The following SDHB variants were observed in gnomAD, a reference collection of about 807,000 sequenced individuals.
SDHB encodes succinate dehydrogenase complex iron sulfur subunit B, also known as succinate dehydrogenase [ubiquinone] iron-sulfur subunit, mitochondrial.
In SDHB, 21 loss-of-function variants were observed where a neutral mutation model predicts 39.7. That is an observed-to-expected ratio of 0.53 (90% CI 0.37 to 0.76). The LOEUF (loss-of-function observed/expected upper bound fraction) is 0.76, where lower values mean the gene tolerates loss of function less well. Ranked by LOEUF, SDHB falls within the 30% of genes least tolerant of loss-of-function variation. The pLI is 0.00. For synonymous variants in SDHB, 118 were observed against 117.0 expected (o/e 1.01, Z -0.06); for missense variants, 343 against 350.9 (o/e 0.98, Z 0.18).
At chr1:17,040,377 G>A (rs779436098) in intron 2 of SDHB, among the ~76,000 whole-genome samples, 2 of 152,150 alleles carry the variant, frequency 1.3e-5, no homozygotes, top group Non-Finnish European at 2.9e-5. Context: ...TCTTGGCCAT[G>A]AGTTCTTCAA....
intron 5 of SDHB, among the ~76,000 whole-genome samples, chr1:17,025,017 A>G (rs1304842669): frequency 6.6e-6 from 1 of 152,232 alleles, no homozygotes; most frequent in Non-Finnish European, 1.5e-5. Flanking sequence ...AAGAGCCTTA[A>G]GAATAGTCAT....
intron 5 of SDHB, among the ~76,000 whole-genome samples, chr1:17,026,524 T>C (rs1313365620): frequency 6.6e-6 from 1 of 151,190 alleles, no homozygotes; most frequent in Non-Finnish European, 1.5e-5. Flanking sequence ...GCCACCACAC[T>C]CAGCTAATTT....
Position 17,048,705 on chromosome 1 carries a change from ATATT to A in SDHB, c.73-3821_73-3818del, listed in dbSNP as rs955527778. ...TTTTATTTTTCATTTATTTTTTAAA[ATATT>A]TATTTATTTATTTATTTTGAGATGG... On this transcript the variant is annotated intron_variant, in intron 1 of 7. Transcript: ENST00000375499. 4.6e-5 allele frequency among the ~76,000 whole-genome samples: 7 copies of A among 151,912 alleles called. No individual in the cohort carries two copies. The South Asian group carries it at 6.2e-4, about 14-fold the overall frequency.
intron 4 of SDHB, 40 bp from the exon 5 acceptor site, chr1:17,027,905 G>C (rs757911908): frequency 1.7e-6 from 2 of 1,210,068 alleles, no homozygotes; most frequent in South Asian, 2.4e-5. Context: ...AAGAAGAAAA[G>C]GATCAGATTC....
At chr1:17,041,002 C>G (rs865881495) in intron 2 of SDHB, among the ~76,000 whole-genome samples, 2 of 151,958 alleles carry the variant, frequency 1.3e-5, no homozygotes, top group Non-Finnish European at 2.9e-5. Context: ...TGGTGGTGCA[C>G]GTCTGTAATC....
intron 1 of SDHB, 107 bp from the exon 2 acceptor site, chr1:17,044,995 C>T: frequency 2.0e-6 from 2 of 1,001,076 alleles, no homozygotes; most frequent in Non-Finnish European, 3.0e-6. Flanking sequence ...TCACACATTA[C>T]TGACACATAA....
chr1:17,024,214 G>A, intron 5 of SDHB, 140 bp from the exon 6 acceptor site: 1 of 701,664 alleles, frequency 1.4e-6, no homozygotes, highest in Non-Finnish European at 2.6e-6. Flanking sequence ...AAAATCCAAG[G>A]GGTGATTTGC....
rs1334964001 is a variant in SDHB, at chr1:17,022,594, C to G, written c.765+14G>C. On this transcript the variant is annotated intron_variant, in intron 7 of 7. Transcript: ENST00000375499. ...AGCTCTGAGGCAGAGCTGAGGGTCA[C>G]CAGCCCCACGTACCTTAGGACAGGT... 1.9e-6 allele frequency: 3 copies of G among 1,613,488 alleles called. No individual in the cohort carries two copies. In the Admixed American group the frequency reaches 5.0e-5, roughly 27 times the overall value.
rs1260768784 is a variant in SDHB, at chr1:17,018,896, C to T, written c.828G>A (p.Lys276=). The stretch of plus-strand genomic sequence containing the variant: ...ATGGAAACAGTTAAACTGAAGCTTT[C>T]TTCTCCTTATAGGTTGCCATCATTT... ...IKKMMATYKE[K]KASV Residue 276 remains lysine (K), a synonymous_variant, in exon 8 of 8, where the codon AAG becomes AAA. Coordinates refer to ENST00000375499, the MANE Select transcript of SDHB (RefSeq NM_003000.3). 4.3e-6 allele frequency: 7 copies of T among 1,612,008 alleles called. No individual in the cohort carries two copies. In the Admixed American group the frequency reaches 1.0e-4, roughly 23 times the overall value.
chr1:17,027,405 AT>A (rs2077996796), intron 5 of SDHB, among the ~76,000 whole-genome samples: 1 of 152,192 alleles, frequency 6.6e-6, no homozygotes, highest in African/African-American at 2.4e-5. Flanking sequence ...TATGTGTTTC[AT>A]TTTGCCCCCA....
chr1:17,052,940 G>A (rs1197635779), intron 1 of SDHB, among the ~76,000 whole-genome samples: 1 of 152,158 alleles, frequency 6.6e-6, no homozygotes, highest in Non-Finnish European at 1.5e-5. Context: ...TGCTTCTTGG[G>A]AATGTGATAT....
At chr1:17,025,568 C>G (rs1281185067) in intron 5 of SDHB, among the ~76,000 whole-genome samples, 1 of 152,034 alleles carries the variant, frequency 6.6e-6, no homozygotes, top group African/African-American at 2.4e-5. Context: ...TACCACCATG[C>G]CTGGCTAAGT....
At chr1:17,041,340 A>G (rs1306005756) in intron 2 of SDHB, among the ~76,000 whole-genome samples, 1 of 152,102 alleles carries the variant, frequency 6.6e-6, no homozygotes, top group African/African-American at 2.4e-5. Flanking sequence ...TTTCATTATG[A>G]GCATAATTTC....
At chr1:17,048,200 T>C (rs2078124431) in intron 1 of SDHB, among the ~76,000 whole-genome samples, 1 of 152,234 alleles carries the variant, frequency 6.6e-6, no homozygotes, top group Non-Finnish European at 1.5e-5. Flanking sequence ...CTTCTCAAAT[T>C]CGGTCATTTC....
At chr1:17,045,075 A>G in intron 1 of SDHB, 187 bp from the exon 2 acceptor site, 1 of 603,810 alleles carries the variant, frequency 1.7e-6, no homozygotes, top group South Asian at 1.9e-5. Context: ...AATATATCAG[A>G]CATGGTATTA....
In SDHB at chr1:17,038,254, T is replaced by G. The variant is rs72893379; in HGVS notation, c.201-5109A>C. Among the ~76,000 whole-genome samples the G allele has an allele frequency of 4.1e-4, 63 of 152,294 alleles. 1 individual carries two copies. Among genetic ancestry groups the G allele is most frequent in the African/African-American group, 1.3e-3 (54 of 41,566 alleles). The stretch of plus-strand genomic sequence containing the variant: ...GATTATGTTATCTATGAGAGACAGT[T>G]TTACTTCTTCTTTTCCAATTTCCTT... On this transcript the variant is annotated intron_variant, in intron 2 of 7. Coordinates refer to ENST00000375499, the MANE Select transcript of SDHB (RefSeq NM_003000.3).
In SDHB at chr1:17,032,704, A is replaced by G. The variant is rs571625397; in HGVS notation, c.286+356T>C. ...CACACATCTCCCCTGCTGGACAAGC[A>G]TAAGTGCCAGACAGAAACTCTCCAC... On this transcript the variant is annotated intron_variant, in intron 3 of 7. Transcript: ENST00000375499. 14 of 349,772 alleles carry G rather than the reference A, an allele frequency of 4.0e-5. 1 individual carries two copies. Among genetic ancestry groups the G allele is most frequent in the African/African-American group, 1.9e-4 (9 of 47,434 alleles). The allele number at this position is 349,772 out of a possible 1,614,324, so 21.7% of individuals were successfully genotyped here.
intron 6 of SDHB, 81 bp from the exon 7 acceptor site, chr1:17,022,811 T>C (rs2077969664): frequency 6.5e-7 from 1 of 1,539,858 alleles, no homozygotes; most frequent in Non-Finnish European, 8.8e-7. Context: ...GCTCTGGGAG[T>C]GCAGAGGAAA....
At chr1:17,038,079 C>T (rs937645672) in intron 2 of SDHB, among the ~76,000 whole-genome samples, 2 of 151,958 alleles carry the variant, frequency 1.3e-5, no homozygotes, top group Non-Finnish European at 2.9e-5. Flanking sequence ...GCGGAGGTTG[C>T]GGTGAGCCAA....
Sources: allele counts gnomAD v4.1 joint callset (sites outside exome capture counted in the v4.1 genomes callset), GRCh38; gene constraint gnomAD v4.1.1; transcripts MANE v1.5; gene names NCBI Gene and HGNC (gene_info 2026-07-23, HGNC 2026-07-21).